Variants in NXPE4 observed in about 807,000 individuals in gnomAD.
The protein encoded by NXPE4 is NXPE family member 4.
Under a neutral mutation model 33.3 loss-of-function variants are expected in NXPE4, and 42 were observed. The ratio of observed to expected loss-of-function variants is 1.26; its 90% CI spans 0.98 to 1.63. NXPE4 has a LOEUF of 1.63. Among genes scored for constraint, NXPE4 ranks in the 40% most tolerant of loss-of-function variants. The pLI, the probability that NXPE4 is intolerant of heterozygous loss-of-function variation, is 0.00. For synonymous variants in NXPE4, 253 were observed against 234.9 expected, an observed-to-expected ratio of 1.08 and a Z score of -0.71; for missense variants, 709 against 647.6, an observed-to-expected ratio of 1.09 and a Z score of -1.03.
the NXPE4 span, among the ~76,000 whole-genome samples, chr11:114,601,620 T>TTATAATTATATATAA: frequency 0.049 from 66 of 1,334 alleles, no homozygotes; most frequent in Non-Finnish European, 0.067. Flanking sequence ...TAATTATATA[T>TTATAATTATATATAA]TATATATTAT....
intron 2 of NXPE4, among the ~76,000 whole-genome samples, chr11:114,592,558 T>C (rs1949481424): frequency 6.6e-6 from 1 of 151,676 alleles, no homozygotes. Flanking sequence ...AAATAGATAT[T>C]CCATGTTAAT....
chr11:114,596,437 C>T (rs1949573598), upstream of NXPE4, among the ~76,000 whole-genome samples: 1 of 152,138 alleles, frequency 6.6e-6, no homozygotes. Context: ...AGGGCATGCC[C>T]ATCATCTTTC....
At chr11:114,658,123 C>T in the NXPE4 span, among the ~76,000 whole-genome samples, 52 of 152,174 alleles carry the variant, frequency 3.4e-4, no homozygotes, top group Non-Finnish European at 4.6e-4. Flanking sequence ...AAGAAAAATC[C>T]GGATAATCTG....
intron 4 of NXPE4, 76 bp from the exon 5 acceptor site, chr11:114,580,414 C>T (rs1344875845): frequency 3.3e-6 from 4 of 1,224,916 alleles, no homozygotes; most frequent in Non-Finnish European, 4.8e-6. Flanking sequence ...GCCTTCTATC[C>T]TCTAAGTATC....
chr11:114,582,467 A>G lies in NXPE4; in HGVS notation c.651T>C (p.Ser217=), dbSNP rs1046500009. The G allele has an allele frequency of 6.2e-7, 1 of 1,614,080 alleles. No homozygotes were observed. Among genetic ancestry groups the G allele is most frequent in the Non-Finnish European group, 8.5e-7 (1 of 1,180,030 alleles). The part of the protein sequence containing the change: ...QFVNGTSQVH[S]ECGLILNTNA... ...TTGTGTTTAGGATCAGGCCACATTCAGAGTGGACTTGGGAAGTGCCATTGA... is the reference window on the plus strand; with the variant it reads ...TTGTGTTTAGGATCAGGCCACATTCGGAGTGGACTTGGGAAGTGCCATTGA... Residue 217 remains serine (S), a synonymous_variant, in exon 3 of 6, where the codon TCT becomes TCC. Coordinates refer to ENST00000375478, the MANE Select transcript of NXPE4 (RefSeq NM_001077639.2).
the NXPE4 span, among the ~76,000 whole-genome samples, chr11:114,655,028 T>C: frequency 6.6e-6 from 1 of 152,234 alleles, no homozygotes; most frequent in Non-Finnish European, 1.5e-5. Flanking sequence ...TGGTGTGAGA[T>C]AGTATCTCAT....
chr11:114,633,162 A>G, the NXPE4 span, among the ~76,000 whole-genome samples: 51 of 127,014 alleles, frequency 4.0e-4, no homozygotes, highest in African/African-American at 1.6e-3. Context: ...TTGGTATTTT[A>G]TTTTATATAA....
At chr11:114,586,002 G>A (rs1232993945) in intron 2 of NXPE4, among the ~76,000 whole-genome samples, 2 of 152,204 alleles carry the variant, frequency 1.3e-5, no homozygotes, top group South Asian at 2.1e-4. Context: ...GATTAGAGTG[G>A]GACAGCCAGC....
chr11:114,630,571 C>T, the NXPE4 span, among the ~76,000 whole-genome samples: 10 of 151,264 alleles, frequency 6.6e-5, no homozygotes, highest in South Asian at 2.1e-4. Context: ...ATAAAAACCC[C>T]AGAAGAAAAC....
the NXPE4 span, among the ~76,000 whole-genome samples, chr11:114,625,899 A>G: frequency 2.0e-5 from 3 of 152,110 alleles, no homozygotes; most frequent in African/African-American, 7.2e-5. Context: ...TTTCCTAGTC[A>G]AAGAAAGGGG....
chr11:114,634,803 G>A, the NXPE4 span, among the ~76,000 whole-genome samples: 5 of 151,936 alleles, frequency 3.3e-5, no homozygotes, highest in Non-Finnish European at 7.4e-5. Context: ...TGAGGGCTCT[G>A]TTCTGTTCCA....
At chr11:114,610,782 C>A in the NXPE4 span, among the ~76,000 whole-genome samples, 7 of 151,870 alleles carry the variant, frequency 4.6e-5, no homozygotes, top group African/African-American at 1.5e-4. Flanking sequence ...CACTGTTACC[C>A]AGTGGATAAT....
At chr11:114,594,550 A>T in intron 2 of NXPE4, 114 bp downstream of exon 2, 1 of 704,780 alleles carries the variant, frequency 1.4e-6, no homozygotes, top group Non-Finnish European at 2.5e-6. Context: ...GTATCTAGCT[A>T]TTCAAACTCC....
rs1006340721 is a variant in NXPE4 at position 114,583,023 on chromosome 11, T to G, written c.97-2A>C. The G allele has an allele frequency of 4.4e-6, 7 of 1,601,904 alleles. No homozygotes were observed. Among genetic ancestry groups the G allele is most frequent in the Non-Finnish European group, 5.1e-6 (6 of 1,174,628 alleles). On this transcript the variant is annotated splice_acceptor_variant, in intron 2 of 5. Transcript: ENST00000375478. LOFTEE classifies it high-confidence loss of function. ...GGATAAGTTTAGAGCAGACCAAACC[T>G]GAAATGACAGCAAATGTGACATGAG... is the stretch of plus-strand genomic sequence containing the variant.
chr11:114,649,776 A>G, the NXPE4 span, among the ~76,000 whole-genome samples: 2 of 152,214 alleles, frequency 1.3e-5, no homozygotes, highest in African/African-American at 4.8e-5. Flanking sequence ...AATAGCCTCC[A>G]GAATAGACTT....
the NXPE4 span, among the ~76,000 whole-genome samples, chr11:114,601,210 C>G: frequency 5.3e-5 from 8 of 151,172 alleles, no homozygotes; most frequent in African/African-American, 1.9e-4. Flanking sequence ...ATACATTTTA[C>G]CCAATAAGTA....
the NXPE4 span, among the ~76,000 whole-genome samples, chr11:114,611,868 G>A: frequency 3.5e-4 from 53 of 151,978 alleles, no homozygotes; most frequent in African/African-American, 1.2e-3. Flanking sequence ...GTTACCTGGT[G>A]TATGAGAAAT....
chr11:114,640,301 T>G, the NXPE4 span, among the ~76,000 whole-genome samples: 1 of 145,960 alleles, frequency 6.9e-6, no homozygotes, highest in African/African-American at 2.5e-5. Context: ...CATTTTAAAT[T>G]TTTATATATT....
chr11:114,581,103 T>A (rs78208464), intron 4 of NXPE4, among the ~76,000 whole-genome samples: 1 of 152,156 alleles, frequency 6.6e-6, no homozygotes, highest in Admixed American at 6.5e-5. Context: ...TTAGCAAGGC[T>A]TTCTTTCTTT....
Sources: allele counts gnomAD v4.1 joint callset (sites outside exome capture counted in the v4.1 genomes callset), GRCh38; gene constraint gnomAD v4.1.1; transcripts MANE v1.5; gene names NCBI Gene and HGNC (gene_info 2026-07-23, HGNC 2026-07-21).